MRC2: variants seen among roughly 807,000 people sequenced by gnomAD.
The protein encoded by MRC2 is mannose receptor C-type 2.
MRC2 carries 84 observed loss-of-function variants against 206.2 expected under a neutral mutation model. The ratio of observed to expected loss-of-function variants is 0.41; its 90% CI spans 0.34 to 0.49. The LOEUF is 0.49. MRC2 is among the 20% of genes least tolerant of loss of function. The pLI, the probability that MRC2 is intolerant of heterozygous loss-of-function variation, is 0.31. For synonymous variants in MRC2, 798 were observed against 800.0 expected (o/e 1.00, Z 0.04); for missense variants, 1,676 against 2,001.5 (o/e 0.84, Z 3.10).
chr17:62,662,782 C>A (rs2088696818), intron 1 of MRC2, among the ~76,000 whole-genome samples: 1 of 151,990 alleles, frequency 6.6e-6, no homozygotes, highest in African/African-American at 2.4e-5. Flanking sequence ...TGTGGTGGTG[C>A]ATGCCTGTAA....
intron 1 of MRC2, among the ~76,000 whole-genome samples, chr17:62,638,132 G>A (rs948581084): frequency 2.0e-5 from 3 of 152,074 alleles, no homozygotes; most frequent in African/African-American, 7.2e-5. Context: ...CAAGGTGTTG[G>A]GATTACAGGC....
intron 1 of MRC2, among the ~76,000 whole-genome samples, chr17:62,648,969 C>A (rs1373211005): frequency 1.3e-5 from 2 of 152,214 alleles, no homozygotes; most frequent in African/African-American, 4.8e-5. Context: ...CTGTGCTCCC[C>A]AGGTACAGAG....
chr17:62,660,734 T>A (rs987701177), intron 1 of MRC2, among the ~76,000 whole-genome samples: 3 of 152,200 alleles, frequency 2.0e-5, no homozygotes, highest in Non-Finnish European at 2.9e-5. Context: ...AAGATTTTTT[T>A]AAAATCCAGA....
chr17:62,686,404 G>C (rs2089032597), intron 20 of MRC2, among the ~76,000 whole-genome samples: 1 of 152,104 alleles, frequency 6.6e-6, no homozygotes, highest in South Asian at 2.1e-4. Flanking sequence ...AGTGAGCTGA[G>C]ATTGCGCCAT....
At chr17:62,683,805 C>T (rs1489876756) in intron 20 of MRC2, 1 of 150,806 alleles carries the variant, frequency 6.6e-6, no homozygotes, top group Non-Finnish European at 1.5e-5. Flanking sequence ...GTAGAGGCTT[C>T]AATGAGCCAT....
chr17:62,662,452 A>C (rs1203024976), intron 1 of MRC2, among the ~76,000 whole-genome samples: 1 of 152,190 alleles, frequency 6.6e-6, no homozygotes, highest in Admixed American at 6.5e-5. Flanking sequence ...TACCAATAAC[A>C]TAGCATAATG....
intron 1 of MRC2, among the ~76,000 whole-genome samples, chr17:62,631,951 TG>T (rs2084219386): frequency 6.6e-6 from 1 of 152,046 alleles, no homozygotes; most frequent in African/African-American, 2.4e-5. Flanking sequence ...GTGTCTCCAG[TG>T]GGGGTCCCTG....
chr17:62,664,629 C>T lies in MRC2; in HGVS notation c.200C>T (p.Ala67Val), dbSNP rs1264552425. Residue 67 changes from alanine to valine, a missense_variant, in exon 2 of 30, where the codon GCT becomes GTT. Physicochemically the swap from Ala to Val is moderately conservative, Grantham distance 64. This residue lies in a region of MRC2 where 318 missense variants were observed against 346.7 expected (regional missense o/e 0.92). Transcript: ENST00000303375. This position sits in a 1 kb window ranked among gnomAD's most constrained non-coding sequence, Gnocchi z 4.7. Reference sequence around the variant, plus strand: ...GGCGGGCAGGTCAGAGTCACCCCGGCTTGCAATACCAGCCTCCCTGCCCAG... The same window carrying T: ...GGCGGGCAGGTCAGAGTCACCCCGGTTTGCAATACCAGCCTCCCTGCCCAG... The part of the protein sequence containing the change: ...AQGGQVRVTP[A>V]CNTSLPAQRW... 1 of 1,613,646 alleles carries T rather than the reference C, an allele frequency of 6.2e-7. No individual in the cohort carries two copies. The highest frequency in any genetic ancestry group is 8.5e-7 in the Non-Finnish European group (1 of 1,180,026).
chr17:62,679,901 G>C lies in MRC2; in HGVS notation c.2297G>C (p.Gly766Ala). 6.2e-7 allele frequency: 1 copy of C among 1,612,170 alleles called. No homozygotes were observed. The highest frequency in any genetic ancestry group is 8.5e-7 in the Non-Finnish European group (1 of 1,179,452). ...GQSWRWSDGV[G>A]FSYHNFDRSR... ...AGTTGGCGCTGGAGCGACGGCGTAG[G>C]GGTGAGGGGGCCTGGGGTACTTGGG... Residue 766 changes from glycine to alanine, a missense_variant and splice_region_variant, in exon 14 of 30, where the codon GGG (glycine) becomes GCG (alanine). Gly to Ala is a moderately conservative substitution (Grantham distance 60). This residue lies in a region of MRC2 where 1,354 missense variants were observed against 1,636.6 expected (regional missense o/e 0.83). Coordinates refer to ENST00000303375, the MANE Select transcript of MRC2 (RefSeq NM_006039.5).
intron 1 of MRC2, among the ~76,000 whole-genome samples, chr17:62,640,017 CTTTTTTTT>C (rs56703312): frequency 5.4e-5 from 4 of 74,350 alleles, no homozygotes; most frequent in Non-Finnish European, 9.5e-5. Flanking sequence ...CCATGCCCAG[CTTTTTTTT>C]TTTTTTTTTT....
chr17:62,671,084 T>A lies in MRC2; in HGVS notation c.1118-565T>A, dbSNP rs1451149197. On this transcript the variant is annotated intron_variant, in intron 6 of 29. Transcript: ENST00000303375. This position sits in a 1 kb window ranked among gnomAD's most constrained non-coding sequence, Gnocchi z 4.5. ...GTTTATTGACTGATTGATTGATGCA[T>A]TGATTGAGATAAGGTCTTGCTGTGT... Among the ~76,000 whole-genome samples, 1 of 152,142 alleles carries A rather than the reference T, an allele frequency of 6.6e-6. No individual in the cohort carries two copies. The highest frequency in any genetic ancestry group is 1.5e-5 in the Non-Finnish European group (1 of 68,030).
In MRC2 at chr17:62,671,670, T is replaced by A; in HGVS notation, c.1139T>A (p.Val380Glu). 1.3e-6 allele frequency: 2 copies of A among 1,595,014 alleles called. No individual in the cohort carries two copies. The highest frequency in any genetic ancestry group is 1.7e-6 in the Non-Finnish European group (2 of 1,169,818). ...TPPDRWANVKVECEPSWQPFQ... is the reference protein window; with the variant it reads ...TPPDRWANVKEECEPSWQPFQ... ...GCAGACAGGTGGGCCAATGTGAAGG[T>A]GGAGTGCGAGCCGAGCTGGCAGCCC... The change falls in exon 7 of 30, where the codon GTG (valine) becomes GAG (glutamate). Residue 380 changes from valine to glutamate, a missense_variant. Transcript: ENST00000303375. The surrounding 1 kb of genome is among the most constrained non-coding windows in gnomAD (Gnocchi z 4.5).
chr17:62,677,163 A>G (rs2088903210), intron 11 of MRC2, 106 bp from the exon 12 acceptor site: 2 of 930,102 alleles, frequency 2.2e-6, no homozygotes, highest in East Asian at 2.7e-5. Context: ...GAGGTGGCCA[A>G]GCTGGTTCCC....
At chr17:62,647,892 C>G (rs1340346714) in intron 1 of MRC2, among the ~76,000 whole-genome samples, 1 of 152,164 alleles carries the variant, frequency 6.6e-6, no homozygotes, top group African/African-American at 2.4e-5. Context: ...TGCCAACTAC[C>G]CAGCGGGCAG....
At position 62,667,487 on chromosome 17, in the gene MRC2, T is replaced by C; in HGVS notation, c.1071T>C (p.Tyr357=). Residue 357 remains tyrosine, a synonymous_variant, in exon 6 of 30, where the codon TAT becomes TAC. Transcript: ENST00000303375. This position sits in a 1 kb window ranked among gnomAD's most constrained non-coding sequence, Gnocchi z 4.1. ...GTGACTGCAGCATCGCGCTGCCCTA[T>C]GTGTGCAAGAAGAAGCCCAACGCCA... The part of the protein sequence containing the change: ...QNRDCSIALP[Y]VCKKKPNATA... 2.5e-6 allele frequency: 4 copies of C among 1,612,334 alleles called. No homozygotes were observed. Among genetic ancestry groups the C allele is most frequent in the Non-Finnish European group, 2.5e-6 (3 of 1,179,624 alleles).
intron 1 of MRC2, among the ~76,000 whole-genome samples, chr17:62,628,134 G>T (rs571618954): frequency 1.3e-5 from 2 of 151,978 alleles, no homozygotes; most frequent in Non-Finnish European, 2.9e-5. Context: ...GGGAGGACCT[G>T]AGTGGAACCA....
Position 62,681,869 on chromosome 17 carries a change from C to G in MRC2, c.2735C>G (p.Ser912Cys). 1 of 1,613,962 alleles carries G rather than the reference C, an allele frequency of 6.2e-7. No homozygotes were observed. Among genetic ancestry groups the G allele is most frequent in the Non-Finnish European group, 8.5e-7 (1 of 1,179,984 alleles). ...GATGGTTCCATTATAAACTTCATCT[C>G]CTGGGCACCAGGCAAACCTCGGCCT... Reference protein sequence around the residue: ...WTDGSIINFISWAPGKPRPVG... With the variant: ...WTDGSIINFICWAPGKPRPVG... Residue 912 changes from serine to cysteine, a missense_variant, in exon 19 of 30, where the codon TCC becomes TGC. Around this residue, in one of 3 missense-constraint regions of MRC2, gnomAD observed 1,354 missense variants for 1,636.6 expected, o/e 0.83. Coordinates refer to ENST00000303375, the MANE Select transcript of MRC2 (RefSeq NM_006039.5).
chr17:62,680,831 C>A lies in MRC2; in HGVS notation c.2505C>A (p.Ala835=). 6.2e-7 allele frequency: 1 copy of A among 1,612,574 alleles called. No individual in the cohort carries two copies. Among genetic ancestry groups the A allele is most frequent in the Non-Finnish European group, 8.5e-7 (1 of 1,179,734 alleles). Residue 835 remains alanine, a synonymous_variant, in exon 17 of 30, where the codon GCC becomes GCA. Coordinates refer to ENST00000303375, the MANE Select transcript of MRC2 (RefSeq NM_006039.5). The surrounding 1 kb of genome is among the most constrained non-coding windows in gnomAD (Gnocchi z 4.8). ...GRREWLRFQE[A]EYKFFEHHST... is the part of the protein sequence containing the mutation. ...GGGAATGGCTGCGCTTCCAGGAGGCCGAGTACAAGTTCTTTGAGCACCACT... is the reference window on the plus strand; with the variant it reads ...GGGAATGGCTGCGCTTCCAGGAGGCAGAGTACAAGTTCTTTGAGCACCACT...
chr17:62,671,707 C>G lies in MRC2; in HGVS notation c.1176C>G (p.His392Gln). The G allele has an allele frequency of 6.2e-7, 1 of 1,611,790 alleles. No homozygotes were observed. The highest frequency in any genetic ancestry group is 8.5e-7 in the Non-Finnish European group (1 of 1,178,916). ...CEPSWQPFQG[H>Q]CYRLQAEKRS... ...CGAGCTGGCAGCCCTTCCAGGGCCA[C>G]TGCTACCGCCTGCAGGCCGAGAAGC... Residue 392 changes from histidine (H) to glutamine (Q), a missense_variant, in exon 7 of 30, where the codon CAC becomes CAG. Physicochemically the swap from His to Gln is conservative, Grantham distance 24. Coordinates refer to ENST00000303375, the MANE Select transcript of MRC2 (RefSeq NM_006039.5). The surrounding 1 kb of genome is among the most constrained non-coding windows in gnomAD (Gnocchi z 4.5).
Sources: allele counts gnomAD v4.1 joint callset (sites outside exome capture counted in the v4.1 genomes callset), GRCh38; gene constraint gnomAD v4.1.1; regional missense constraint gnomAD v4.1.1; non-coding constraint Gnocchi (gnomAD v3.1); transcripts MANE v1.5; gene names NCBI Gene and HGNC (gene_info 2026-07-23, HGNC 2026-07-21).